Variants in ANKRD30BL observed in about 807,000 individuals in gnomAD.
The protein encoded by ANKRD30BL is ankyrin repeat domain 30B like.
A neutral mutation model predicts 18.4 loss-of-function variants in ANKRD30BL; 20 were observed. The observed-to-expected ratio is 1.09, with a 90% CI of 0.77 to 1.58. The LOEUF is 1.58. Among genes scored for constraint, ANKRD30BL ranks in the 40% most tolerant of loss-of-function variants. The probability of loss-of-function intolerance (pLI) is 0.00; values close to 1 mark genes in which losing one functional copy is unlikely to be tolerated. For missense variants in ANKRD30BL, 224 were observed against 268.6 expected (o/e 0.83, Z 1.16); for synonymous variants, 72 against 100.9 (o/e 0.71, Z 1.72).
At chr2:132,148,912 G>A (rs187785543) in intron 5 of ANKRD30BL, among the ~76,000 whole-genome samples, 42 of 152,264 alleles carry the variant, frequency 2.8e-4, no homozygotes, top group African/African-American at 9.6e-4. Flanking sequence ...AAGATGCTTA[G>A]TACCTTAATG....
At chr2:132,201,357 C>T (rs1679093458) in intron 1 of ANKRD30BL, among the ~76,000 whole-genome samples, 2 of 152,016 alleles carry the variant, frequency 1.3e-5, no homozygotes, top group South Asian at 2.1e-4. Context: ...AGTGAACAGG[C>T]AACCTACAAA....
At chr2:132,229,179 T>G (rs1343211081) in intron 1 of ANKRD30BL, among the ~76,000 whole-genome samples, 1 of 152,096 alleles carries the variant, frequency 6.6e-6, no homozygotes, top group Admixed American at 6.6e-5. Flanking sequence ...ACCCCCAGAT[T>G]TGACCATTCC....
Position 132,154,644 on chromosome 2 carries a change from T to TAAA in ANKRD30BL, c.614+15_614+17dup. On this transcript the variant is annotated intron_variant, in intron 4 of 5. Transcript: ENST00000409867. ...AGCACACTACTCAAGTGTTTTTTAA[T>TAAA]AAAAAAAACTACTATACCATTTAAA... is the stretch of plus-strand genomic sequence containing the variant. 1 of 643,058 alleles carries TAAA rather than the reference T, an allele frequency of 1.6e-6. No individual in the cohort carries two copies. Among genetic ancestry groups the TAAA allele is most frequent in the South Asian group, 1.8e-5 (1 of 54,720 alleles). 39.8% of individuals were successfully genotyped at this position (643,058 alleles called of 1,614,324 possible).
At chr2:132,227,780 C>T (rs530725232) in intron 1 of ANKRD30BL, among the ~76,000 whole-genome samples, 1 of 152,178 alleles carries the variant, frequency 6.6e-6, no homozygotes, top group South Asian at 2.1e-4. Context: ...GCCTTCAACT[C>T]AAATAGCTGA....
chr2:132,247,052 A>T, intron 1 of ANKRD30BL, among the ~76,000 whole-genome samples: 1 of 150,410 alleles, frequency 6.6e-6, no homozygotes, highest in African/African-American at 2.4e-5. Flanking sequence ...AGAGTTGAAC[A>T]TTCCCTTTCA....
intron 1 of ANKRD30BL, among the ~76,000 whole-genome samples, chr2:132,247,225 TC>T (rs1286236760): frequency 6.6e-6 from 1 of 151,988 alleles, no homozygotes; most frequent in Non-Finnish European, 1.5e-5. Flanking sequence ...AGTTGAACAT[TC>T]CCTTTCATGG....
chr2:132,227,172 C>G (rs1679871161), intron 1 of ANKRD30BL, among the ~76,000 whole-genome samples: 1 of 151,586 alleles, frequency 6.6e-6, no homozygotes, highest in Non-Finnish European at 1.5e-5. Context: ...GGATATTTGA[C>G]TGCTTTGAGG....
chr2:132,186,076 G>C (rs1343582898), intron 1 of ANKRD30BL, among the ~76,000 whole-genome samples: 1 of 151,576 alleles, frequency 6.6e-6, no homozygotes, highest in Non-Finnish European at 1.5e-5. Flanking sequence ...GGGAGGCAGA[G>C]GTTGCAGTGA....
chr2:132,227,771 C>A (rs1463209320), intron 1 of ANKRD30BL, among the ~76,000 whole-genome samples: 1 of 152,024 alleles, frequency 6.6e-6, no homozygotes, highest in Non-Finnish European at 1.5e-5. Context: ...GTGATGTGTG[C>A]CTTCAACTCA....
At chr2:132,158,782 A>T in intron 1 of ANKRD30BL, among the ~76,000 whole-genome samples, 1 of 150,668 alleles carries the variant, frequency 6.6e-6, no homozygotes, top group East Asian at 1.9e-4. Flanking sequence ...TTATTGACAT[A>T]TATGTAATAA....
At chr2:132,168,023 G>A (rs1341673120) in intron 1 of ANKRD30BL, among the ~76,000 whole-genome samples, 1 of 151,856 alleles carries the variant, frequency 6.6e-6, no homozygotes, top group Non-Finnish European at 1.5e-5. Flanking sequence ...CTTCTTTATT[G>A]TGTATCTGAA....
At chr2:132,250,644 C>G (rs913176872) in intron 1 of ANKRD30BL, among the ~76,000 whole-genome samples, 3 of 152,148 alleles carry the variant, frequency 2.0e-5, no homozygotes, top group African/African-American at 4.8e-5. Flanking sequence ...GGTGCAGAAA[C>G]AAAACACAGC....
chr2:132,192,725 C>T (rs1214896395), intron 1 of ANKRD30BL, among the ~76,000 whole-genome samples: 1 of 152,160 alleles, frequency 6.6e-6, no homozygotes, highest in East Asian at 1.9e-4. Context: ...CATTTGTGTC[C>T]CTGTGGCCAT....
intron 1 of ANKRD30BL, among the ~76,000 whole-genome samples, chr2:132,180,747 G>A (rs1228943189): frequency 6.6e-6 from 1 of 152,114 alleles, no homozygotes; most frequent in Non-Finnish European, 1.5e-5. Context: ...GATATACTCT[G>A]TAATGTTATT....
chr2:132,222,034 G>A (rs1490069022), intron 1 of ANKRD30BL, among the ~76,000 whole-genome samples: 1 of 135,660 alleles, frequency 7.4e-6, no homozygotes, highest in Non-Finnish European at 1.6e-5. Context: ...ACCCTGTCCG[G>A]GAGGGAGGCG....
chr2:132,188,925 G>T (rs1002812084), intron 1 of ANKRD30BL, among the ~76,000 whole-genome samples: 15 of 152,090 alleles, frequency 9.9e-5, no homozygotes, highest in Admixed American at 3.9e-4. Context: ...TCCTGGACTT[G>T]CAAGGGCCTC....
intron 1 of ANKRD30BL, among the ~76,000 whole-genome samples, chr2:132,198,259 CTTTCTTTCTTTTCTTTCTTTCT>C (rs1679006075): frequency 7.7e-6 from 1 of 130,714 alleles, no homozygotes; most frequent in African/African-American, 3.5e-5. Flanking sequence ...ACTATACCTT[CTTTCTTTCTTTTCTTTCTTTCT>C]TTCTTTCTTT....
intron 1 of ANKRD30BL, among the ~76,000 whole-genome samples, chr2:132,188,844 G>A (rs921288223): frequency 1.3e-5 from 2 of 152,160 alleles, no homozygotes; most frequent in African/African-American, 4.8e-5. Context: ...TAAAAGAAAA[G>A]ATTGGTTCTA....
intron 1 of ANKRD30BL, among the ~76,000 whole-genome samples, chr2:132,189,175 A>C (rs1183923457): frequency 6.6e-6 from 1 of 152,234 alleles, no homozygotes; most frequent in Non-Finnish European, 1.5e-5. Flanking sequence ...AGCAAAGGAA[A>C]TTCTGCACTT....
Sources: gnomAD v4.1 joint callset for allele counts (sites outside exome capture counted in the v4.1 genomes callset) on GRCh38, gnomAD v4.1.1 for gene constraint, MANE v1.5 for transcripts, NCBI Gene and HGNC (gene_info 2026-07-23, HGNC 2026-07-21) for gene names.